SOX10: variants seen among roughly 807,000 people sequenced by gnomAD.
SOX10 encodes the protein transcription factor SOX-10.
In SOX10, 3 loss-of-function variants were observed where a neutral mutation model predicts 35.0. That is an observed-to-expected ratio of 0.09 (90% CI 0.04 to 0.22). The LOEUF (loss-of-function observed/expected upper bound fraction) is 0.22, where lower values mean the gene tolerates loss of function less well. Among genes scored for constraint, SOX10 ranks in the 10% least tolerant of loss-of-function variants. SOX10 has a pLI of 1.00. For missense variants in SOX10, 436 were observed against 655.1 expected (o/e 0.67, Z 3.65); for synonymous variants, 285 against 291.0 (o/e 0.98, Z 0.21).
chr22:37,981,742 C>A (rs1569170464), intron 2 of SOX10, among the ~76,000 whole-genome samples: 1 of 152,238 alleles, frequency 6.6e-6, no homozygotes. Context: ...CTGGGCCAAG[C>A]CCCACCCAGA....
rs1304481440 is a variant in SOX10 at position 37,974,676 on chromosome 22, T to C, written c.698-478A>G. Among the ~76,000 whole-genome samples the C allele has an allele frequency of 6.6e-6, 1 of 152,184 alleles. No homozygotes were observed. Among genetic ancestry groups the C allele is most frequent in the Non-Finnish European group, 1.5e-5 (1 of 68,034 alleles). ...CAGCATTTGTTTAAATACTGGTGTC[T>C]TAGATTGATCTCTAGTTGTTTATGA... is the stretch of plus-strand genomic sequence containing the variant. On this transcript the variant is annotated intron_variant, in intron 3 of 3. Coordinates refer to ENST00000396884, the MANE Select transcript of SOX10 (RefSeq NM_006941.4). The surrounding 1 kb of genome is among the most constrained non-coding windows in gnomAD (Gnocchi z 5.4).
chr22:37,979,368 G>C (rs1468502064), intron 2 of SOX10, among the ~76,000 whole-genome samples: 1 of 152,202 alleles, frequency 6.6e-6, no homozygotes, highest in Non-Finnish European at 1.5e-5. Flanking sequence ...AAAGTGCTGA[G>C]ATTATAGGCA....
chr22:37,980,141 A>G lies in SOX10; in HGVS notation c.429-2006T>C, dbSNP rs763536751. Among the ~76,000 whole-genome samples, 4 of 152,052 alleles carry G rather than the reference A, an allele frequency of 2.6e-5. No homozygotes were observed. The highest frequency in any genetic ancestry group is 4.8e-5 in the African/African-American group (2 of 41,406). ...GTCAGAGTCAGTGTACACACTTAGG[A>G]CAAAGATGCCGGAGCAGGGCCTTGA... On this transcript the variant is annotated intron_variant, in intron 2 of 3. Coordinates refer to ENST00000396884, the MANE Select transcript of SOX10 (RefSeq NM_006941.4). This position sits in a 1 kb window ranked among gnomAD's most constrained non-coding sequence, Gnocchi z 4.1.
chr22:37,982,563 C>T (rs1217762683), intron 2 of SOX10, among the ~76,000 whole-genome samples: 7 of 152,084 alleles, frequency 4.6e-5, no homozygotes, highest in African/African-American at 1.7e-4. Context: ...GGAAGGAGGC[C>T]AAGGTTTCCT....
chr22:37,976,340 C>T (rs542495774), intron 3 of SOX10, among the ~76,000 whole-genome samples: 4 of 152,316 alleles, frequency 2.6e-5, no homozygotes, highest in East Asian at 1.9e-4. Flanking sequence ...GGACTGCGGG[C>T]GCATTCCACC....
chr22:37,977,555 C>T (rs548919338), intron 3 of SOX10, among the ~76,000 whole-genome samples: 29 of 152,188 alleles, frequency 1.9e-4, no homozygotes, highest in African/African-American at 6.7e-4. Context: ...CTCCTGACCT[C>T]GTGATCTGCC....
Position 37,973,424 on chromosome 22 carries a change from G to C in SOX10, c.*71C>G. ...CCTCCACTGCCACCACCAGGCCTGA[G>C]GTGGGCAAGGAACAGGGCACACAGG... On this transcript the variant is annotated 3_prime_UTR_variant, in exon 4 of 4. Coordinates refer to ENST00000396884, the MANE Select transcript of SOX10 (RefSeq NM_006941.4). The C allele has an allele frequency of 9.8e-7, 1 of 1,023,786 alleles. No individual in the cohort carries two copies. Among genetic ancestry groups the C allele is most frequent in the Non-Finnish European group, 1.4e-6 (1 of 706,860 alleles). 63.4% of individuals were successfully genotyped at this position (1,023,786 alleles called of 1,614,324 possible).
chr22:37,977,671 C>G (rs1161443759), intron 3 of SOX10, among the ~76,000 whole-genome samples, 196 bp downstream of exon 3: 1 of 152,122 alleles, frequency 6.6e-6, no homozygotes, highest in Non-Finnish European at 1.5e-5. Context: ...CAGCCCTGGC[C>G]AGAGCCATCT....
rs1414378171 is a variant in SOX10 at position 37,978,209 on chromosome 22, C to T, written c.429-74G>A. The stretch of plus-strand genomic sequence containing the variant: ...TGCCAGAGCACTCCAGGTTGGCCTC[C>T]CTCTGAGTGTCCATCTTGGAAGATG... On this transcript the variant is annotated intron_variant, in intron 2 of 3. Transcript: ENST00000396884. This position sits in a 1 kb window ranked among gnomAD's most constrained non-coding sequence, Gnocchi z 5.0. The T allele has an allele frequency of 2.8e-6, 4 of 1,414,936 alleles. No individual in the cohort carries two copies. Among genetic ancestry groups the T allele is most frequent in the Non-Finnish European group, 2.8e-6 (3 of 1,075,006 alleles). The allele number at this position is 1,414,936 out of a possible 1,614,324, so 87.6% of individuals were successfully genotyped here. A position where few individuals can be genotyped will look rare whatever the true frequency, so the allele number is the denominator to read the frequency against.
Position 37,984,188 on chromosome 22 carries a change from T to G in SOX10, c.-85+151A>C, listed in dbSNP as rs1932499430. The G allele has an allele frequency of 6.3e-6, 1 of 157,846 alleles. No homozygotes were observed. The highest frequency in any genetic ancestry group is 2.4e-5 in the African/African-American group (1 of 41,562). The allele number at this position is 157,846 out of a possible 1,614,324, so 9.8% of individuals were successfully genotyped here. A position where few individuals can be genotyped will look rare whatever the true frequency, so the allele number is the denominator to read the frequency against. On this transcript the variant is annotated intron_variant, in intron 1 of 3. Coordinates refer to ENST00000396884, the MANE Select transcript of SOX10 (RefSeq NM_006941.4). This position sits in a 1 kb window ranked among gnomAD's most constrained non-coding sequence, Gnocchi z 4.4. Reference sequence around the variant, plus strand: ...ATCCCGGCCCCTGGAATTTCCCACCTTTTCTCTCACCTTTCCTTCTTCCCT... The same window carrying G: ...ATCCCGGCCCCTGGAATTTCCCACCGTTTCTCTCACCTTTCCTTCTTCCCT...
In SOX10 at chr22:37,973,567, G is replaced by T. The variant is rs774705561; in HGVS notation, c.1329C>A (p.Ser443Arg). Reference protein sequence around the residue: ...RPLYTAISDPSPSGPQSHSPT... With the variant: ...RPLYTAISDPRPSGPQSHSPT... ...GGCTGTGGGACTGGGGCCCTGAGGG[G>T]CTGGGGTCAGAGATGGCCGTGTAGA... The change falls in exon 4 of 4, where the codon AGC becomes AGA. Residue 443 changes from serine (S) to arginine (R), a missense_variant. Ser to Arg is a moderately radical substitution (Grantham distance 110). Transcript: ENST00000396884. 9 of 1,612,802 alleles carry T rather than the reference G, an allele frequency of 5.6e-6. No homozygotes were observed. The highest frequency in any genetic ancestry group is 6.8e-6 in the Non-Finnish European group (8 of 1,179,668).
In SOX10 at chr22:37,980,445, G is replaced by A. The variant is rs923175160; in HGVS notation, c.429-2310C>T. Among the ~76,000 whole-genome samples, 6 of 152,134 alleles carry A rather than the reference G, an allele frequency of 3.9e-5. No individual in the cohort carries two copies. Among genetic ancestry groups the A allele is most frequent in the African/African-American group, 7.2e-5 (3 of 41,432 alleles). On this transcript the variant is annotated intron_variant, in intron 2 of 3. Coordinates refer to ENST00000396884, the MANE Select transcript of SOX10 (RefSeq NM_006941.4). The surrounding 1 kb of genome is among the most constrained non-coding windows in gnomAD (Gnocchi z 4.1). ...AGAGAGGATTCCAACATCGGATTCC[G>A]CTGCTACCTCCTAAGCTAGTTCCCA...
intron 2 of SOX10, among the ~76,000 whole-genome samples, chr22:37,981,312 C>G (rs1488619832): frequency 6.6e-6 from 1 of 152,238 alleles, no homozygotes. Flanking sequence ...TCAGGACCCC[C>G]CTCCAGGGTC....
chr22:37,974,124 G>T lies in SOX10; in HGVS notation c.772C>A (p.Arg258=). Residue 258 remains arginine (R), a synonymous_variant, in exon 4 of 4, where the codon CGG becomes AGG. Transcript: ENST00000396884. The surrounding 1 kb of genome is among the most constrained non-coding windows in gnomAD (Gnocchi z 5.4). ...CCCTCCCCCATGGAGCGCCCGTCCC[G>T]CTTCGGGTCTGCCTTGCCCGACTGC... ...ELQSGKADPK[R]DGRSMGEGGK... 1 of 1,612,712 alleles carries T rather than the reference G, an allele frequency of 6.2e-7. No individual in the cohort carries two copies. The highest frequency in any genetic ancestry group is 1.3e-5 in the African/African-American group (1 of 75,010).
In SOX10 at chr22:37,978,082, C is replaced by T. The variant is rs750566714; in HGVS notation, c.482G>A (p.Arg161His). The part of the protein sequence containing the change: ...RPFIEEAERL[R>H]MQHKKDHPDY... ...CGGGTGGTCTTTCTTGTGCTGCATA[C>T]GGAGCCGCTCAGCCTCCTCGATGAA... Residue 161 changes from arginine to histidine, a missense_variant, in exon 3 of 4, where the codon CGT becomes CAT. Physicochemically the swap from Arg to His is conservative, Grantham distance 29. Coordinates refer to ENST00000396884, the MANE Select transcript of SOX10 (RefSeq NM_006941.4). The surrounding 1 kb of genome is among the most constrained non-coding windows in gnomAD (Gnocchi z 5.0). 1.2e-6 allele frequency: 2 copies of T among 1,602,006 alleles called. No individual in the cohort carries two copies. Among genetic ancestry groups the T allele is most frequent in the African/African-American group, 1.3e-5 (1 of 74,750 alleles).
chr22:37,973,487 G>C lies in SOX10; in HGVS notation c.*8C>G, dbSNP rs1045423591. On this transcript the variant is annotated 3_prime_UTR_variant, in exon 4 of 4. Transcript: ENST00000396884. The stretch of plus-strand genomic sequence containing the variant: ...GCTGGGCGGGGGGTGGTGGCGACAG[G>C]GCCCCCTTTAGGGCCGGGACAGTGT... 2.6e-6 allele frequency: 4 copies of C among 1,558,248 alleles called. No individual in the cohort carries two copies. The African/African-American group carries it at 4.1e-5, about 16-fold the overall frequency.
chr22:37,973,884 G>A lies in SOX10; in HGVS notation c.1012C>T (p.Pro338Ser). 6.2e-7 allele frequency: 1 copy of A among 1,610,306 alleles called. No homozygotes were observed. The highest frequency in any genetic ancestry group is 1.1e-5 in the South Asian group (1 of 91,068). ...SGHSAWISKP[P>S]GVALPTVSPP... ...GAGACCGTGGGCAGAGCCACGCCTG[G>A]TGGCTTGGAGATCCAGGCGGAGTGT... The change falls in exon 4 of 4, where the codon CCA (proline) becomes TCA (serine). Residue 338 changes from proline (P) to serine (S), a missense_variant. Around this residue, in one of 3 missense-constraint regions of SOX10, gnomAD observed 285 missense variants for 402.9 expected, o/e 0.71. Coordinates refer to ENST00000396884, the MANE Select transcript of SOX10 (RefSeq NM_006941.4).
At position 37,973,656 on chromosome 22, in the gene SOX10, G is replaced by A; in HGVS notation, c.1240C>T (p.His414Tyr). The change falls in exon 4 of 4, where the codon CAC (histidine) becomes TAC (tyrosine). Residue 414 changes from histidine (H) to tyrosine (Y), a missense_variant. Coordinates refer to ENST00000396884, the MANE Select transcript of SOX10 (RefSeq NM_006941.4). ...TAGAGGCCAGAGGCCTGGCCCGAGT[G>A]GCCATAATAGGGTCCTGAGGGCTGA... ...DHQPSGPYYG[H>Y]SGQASGLYSA... 6.2e-7 allele frequency: 1 copy of A among 1,613,798 alleles called. No homozygotes were observed. Among genetic ancestry groups the A allele is most frequent in the African/African-American group, 1.3e-5 (1 of 75,062 alleles).
chr22:37,982,483 T>C (rs777252230), intron 2 of SOX10, among the ~76,000 whole-genome samples: 2 of 152,122 alleles, frequency 1.3e-5, no homozygotes, highest in African/African-American at 4.8e-5. Context: ...AATTGCTCCC[T>C]GCGGGGGATG....
Sources: allele counts gnomAD v4.1 joint callset (sites outside exome capture counted in the v4.1 genomes callset), GRCh38; gene constraint gnomAD v4.1.1; regional missense constraint gnomAD v4.1.1; non-coding constraint Gnocchi (gnomAD v3.1); transcripts MANE v1.5; gene names NCBI Gene and HGNC (gene_info 2026-07-23, HGNC 2026-07-21).